Variants in SSBP2 observed in about 807,000 individuals in gnomAD.
SSBP2 encodes the protein single stranded DNA binding protein 2, also known as single-stranded DNA-binding protein 2.
A neutral mutation model predicts 61.8 loss-of-function variants in SSBP2; 17 were observed. The ratio of observed to expected loss-of-function variants is 0.28; its 90% CI spans 0.19 to 0.41. SSBP2 has a LOEUF of 0.41. Ranked by LOEUF, SSBP2 falls within the 10% of genes least tolerant of loss-of-function variation. The probability of loss-of-function intolerance (pLI) is 1.00; values close to 1 mark genes in which losing one functional copy is unlikely to be tolerated. For synonymous variants in SSBP2, 139 were observed against 141.3 expected (o/e 0.98, Z 0.12); for missense variants, 310 against 458.7 (o/e 0.68, Z 2.96).
chr5:81,568,086 T>C (rs576467814), intron 4 of SSBP2, among the ~76,000 whole-genome samples: 69 of 152,276 alleles, frequency 4.5e-4, no homozygotes, highest in Middle Eastern at 3.4e-3. Flanking sequence ...TGGGGGACTG[T>C]TGGGAAGGCA....
chr5:81,719,081 T>C (rs1359947371), intron 1 of SSBP2, among the ~76,000 whole-genome samples: 2 of 152,212 alleles, frequency 1.3e-5, no homozygotes, highest in Non-Finnish European at 2.9e-5. Flanking sequence ...AGTAAACATT[T>C]TGTTTATTCC....
At chr5:81,424,539 A>G (rs1041073051) in intron 16 of SSBP2, among the ~76,000 whole-genome samples, 2 of 152,210 alleles carry the variant, frequency 1.3e-5, no homozygotes, top group African/African-American at 4.8e-5. Flanking sequence ...TGCTAAATAT[A>G]TTTAGTACAG....
At chr5:81,750,300 G>A (rs1392860411) in intron 1 of SSBP2, among the ~76,000 whole-genome samples, 2 of 129,312 alleles carry the variant, frequency 1.5e-5, no homozygotes, top group Non-Finnish European at 3.2e-5. Flanking sequence ...TGCGGGCGCC[G>A]CGTCCGTAGC....
chr5:81,732,465 T>C (rs1345347344), intron 1 of SSBP2, among the ~76,000 whole-genome samples: 1 of 152,208 alleles, frequency 6.6e-6, no homozygotes, highest in East Asian at 1.9e-4. Context: ...ATATAAGCTA[T>C]CACAACTCTA....
At chr5:81,586,367 T>C (rs928042533) in intron 4 of SSBP2, among the ~76,000 whole-genome samples, 2 of 152,174 alleles carry the variant, frequency 1.3e-5, no homozygotes, top group Non-Finnish European at 2.9e-5. Flanking sequence ...TGATATCTCA[T>C]TGTGGTTTTA....
intron 1 of SSBP2, among the ~76,000 whole-genome samples, chr5:81,741,101 A>G (rs560849801): frequency 2.6e-5 from 4 of 152,334 alleles, no homozygotes; most frequent in East Asian, 3.9e-4. Flanking sequence ...TCCAGACTAT[A>G]CAATTTACTC....
At chr5:81,543,123 G>A (rs931771808) in intron 4 of SSBP2, among the ~76,000 whole-genome samples, 40 of 152,214 alleles carry the variant, frequency 2.6e-4, no homozygotes, top group African/African-American at 9.1e-4. Context: ...CCAAAGTGCT[G>A]GGATTACAGG....
At chr5:81,464,408 T>A (rs573738121) in intron 9 of SSBP2, among the ~76,000 whole-genome samples, 5 of 152,196 alleles carry the variant, frequency 3.3e-5, no homozygotes, top group Non-Finnish European at 7.4e-5. Context: ...TTTTGGCTTC[T>A]AAGATACAAT....
chr5:81,642,191 T>TA (rs1291504424), intron 2 of SSBP2, among the ~76,000 whole-genome samples: 2 of 152,190 alleles, frequency 1.3e-5, no homozygotes, highest in Admixed American at 6.5e-5. Flanking sequence ...TATTTTCTGT[T>TA]GTATTGAGTT....
At chr5:81,621,898 T>G (rs566741557) in intron 3 of SSBP2, among the ~76,000 whole-genome samples, 1 of 123,718 alleles carries the variant, frequency 8.1e-6, no homozygotes, top group Non-Finnish European at 1.7e-5. Flanking sequence ...TAGGTGGGAA[T>G]TGAACAATGA....
chr5:81,650,478 G>A, intron 1 of SSBP2, 139 bp from the exon 2 acceptor site: 1 of 467,564 alleles, frequency 2.1e-6, no homozygotes. Flanking sequence ...ATTTCAATAG[G>A]AATTATTAAT....
chr5:81,571,529 C>T (rs1042284368), intron 4 of SSBP2, among the ~76,000 whole-genome samples: 1 of 152,024 alleles, frequency 6.6e-6, no homozygotes, highest in African/African-American at 2.4e-5. Context: ...TAAAACTCCC[C>T]GTTATATTTT....
intron 1 of SSBP2, among the ~76,000 whole-genome samples, chr5:81,718,984 A>AT (rs1371998264): frequency 6.6e-6 from 1 of 152,128 alleles, no homozygotes; most frequent in African/African-American, 2.4e-5. Context: ...CGAACACTAA[A>AT]TTTTTGGGGG....
intron 1 of SSBP2, among the ~76,000 whole-genome samples, chr5:81,675,592 G>A (rs755377145): frequency 6.6e-6 from 1 of 152,148 alleles, no homozygotes; most frequent in Non-Finnish European, 1.5e-5. Context: ...GAAATAAATT[G>A]TAATCCTGTT....
intron 15 of SSBP2, among the ~76,000 whole-genome samples, chr5:81,431,690 T>C (rs899978800): frequency 6.6e-6 from 1 of 152,160 alleles, no homozygotes; most frequent in African/African-American, 2.4e-5. Flanking sequence ...GCTCAAGTGA[T>C]GCTTCTGCCA....
At chr5:81,725,943 A>G (rs559771889) in intron 1 of SSBP2, among the ~76,000 whole-genome samples, 1 of 152,312 alleles carries the variant, frequency 6.6e-6, no homozygotes, top group Admixed American at 6.5e-5. Flanking sequence ...CTATCATAAA[A>G]GGCATTTTAA....
At chr5:81,539,044 T>A (rs1771037131) in intron 4 of SSBP2, among the ~76,000 whole-genome samples, 1 of 152,220 alleles carries the variant, frequency 6.6e-6, no homozygotes, top group Admixed American at 6.5e-5. Flanking sequence ...TAGTGAATCC[T>A]TCGATGGGTC....
intron 5 of SSBP2, among the ~76,000 whole-genome samples, chr5:81,511,291 C>G (rs1342800765): frequency 2.0e-5 from 3 of 152,134 alleles, no homozygotes; most frequent in African/African-American, 7.2e-5. Flanking sequence ...CCTCTTCTCT[C>G]ATTCATCACA....
At chr5:81,675,830 A>T (rs960018053) in intron 1 of SSBP2, among the ~76,000 whole-genome samples, 1 of 152,052 alleles carries the variant, frequency 6.6e-6, no homozygotes, top group Non-Finnish European at 1.5e-5. Context: ...TCTCCCCCAT[A>T]TCTTAAATCA....
Sources: allele counts gnomAD v4.1 joint callset (sites outside exome capture counted in the v4.1 genomes callset), GRCh38; gene constraint gnomAD v4.1.1; transcripts MANE v1.5; gene names NCBI Gene and HGNC (gene_info 2026-07-23, HGNC 2026-07-21).